PTPRD: variants seen among roughly 807,000 people sequenced by gnomAD.
The protein encoded by PTPRD is protein tyrosine phosphatase receptor type D, also known as receptor-type tyrosine-protein phosphatase delta.
A neutral mutation model predicts 214.5 loss-of-function variants in PTPRD; 34 were observed. The observed-to-expected ratio is 0.16, with a 90% confidence interval of 0.12 to 0.21. PTPRD has a LOEUF of 0.21. PTPRD is among the 10% of genes least tolerant of loss of function. The pLI is 1.00. For missense variants in PTPRD, 2,545 were observed against 2,398.7 expected (o/e 1.06, Z -1.27); for synonymous variants, 1,128 against 845.7 (o/e 1.33, Z -5.79).
In PTPRD at chr9:9,168,731, G is replaced by C. The variant is rs140120433; in HGVS notation, c.-143+14573C>G. On this transcript the variant is annotated intron_variant, in intron 10 of 45. Coordinates refer to ENST00000381196, the MANE Select transcript of PTPRD (RefSeq NM_002839.4). ...TGTTTTTAATGAAAAAAAGCCAACA[G>C]ACAAAAATAATAATAATTCTATTTT... is the stretch of plus-strand genomic sequence containing the variant. Among the ~76,000 whole-genome samples the C allele has an allele frequency of 6.4e-3, 971 of 152,070 alleles. 2 individuals carry two copies. The highest frequency in any genetic ancestry group is 0.01 in the Non-Finnish European group (710 of 67,956).
At chr9:9,609,700 T>C (rs575037482) in intron 7 of PTPRD, among the ~76,000 whole-genome samples, 6 of 152,270 alleles carry the variant, frequency 3.9e-5, no homozygotes, top group Non-Finnish European at 7.4e-5. Context: ...CAACCTTAAG[T>C]GATCCACCCG....
chr9:9,188,232 C>T (rs1334639477), intron 9 of PTPRD, among the ~76,000 whole-genome samples: 1 of 151,996 alleles, frequency 6.6e-6, no homozygotes, highest in African/African-American at 2.4e-5. Flanking sequence ...TGTAATTTGT[C>T]AAATATCTGA....
chr9:8,442,293 A>G (rs1296517346), intron 34 of PTPRD, among the ~76,000 whole-genome samples: 2 of 151,866 alleles, frequency 1.3e-5, no homozygotes, highest in East Asian at 1.9e-4. Flanking sequence ...GAATGCTTCA[A>G]ATGATTTTAT....
intron 7 of PTPRD, among the ~76,000 whole-genome samples, chr9:9,625,163 T>C (rs183642352): frequency 6.6e-6 from 1 of 152,292 alleles, no homozygotes; most frequent in Non-Finnish European, 1.5e-5. Flanking sequence ...TTATCCAGGA[T>C]TGTTTCCATT....
At chr9:8,640,496 G>A (rs140010094) in intron 12 of PTPRD, among the ~76,000 whole-genome samples, 307 of 148,302 alleles carry the variant, frequency 2.1e-3, no homozygotes, top group Non-Finnish European at 3.9e-3. Context: ...TCTATTTTAG[G>A]ACCTGGAACT....
At position 8,626,839 on chromosome 9, in the gene PTPRD, G is replaced by A. The variant is rs114946039; in HGVS notation, c.352+6478C>T. 6.3e-3 allele frequency among the ~76,000 whole-genome samples: 955 copies of A among 151,638 alleles called. 14 individuals are homozygous for A. The highest frequency in any genetic ancestry group is 0.022 in the African/African-American group (912 of 41,396). ...TCCTGGGCCTCCAGCTGCCAACTTT[G>A]GCAGATCTTGAAACTTCTTGGCCTC... is the stretch of plus-strand genomic sequence containing the variant. On this transcript the variant is annotated intron_variant, in intron 14 of 45. Coordinates refer to ENST00000381196, the MANE Select transcript of PTPRD (RefSeq NM_002839.4).
chr9:9,791,341 T>C (rs1036331669), intron 5 of PTPRD, among the ~76,000 whole-genome samples: 1 of 152,182 alleles, frequency 6.6e-6, no homozygotes, highest in East Asian at 1.9e-4. Flanking sequence ...ATCATGTTTT[T>C]TTTAAGCTGA....
chr9:9,832,525 C>T (rs969793882), intron 5 of PTPRD, among the ~76,000 whole-genome samples: 2 of 151,902 alleles, frequency 1.3e-5, no homozygotes, highest in Non-Finnish European at 2.9e-5. Context: ...ATGTGTCCTC[C>T]CTCATCCGAC....
intron 5 of PTPRD, among the ~76,000 whole-genome samples, chr9:9,896,071 GATTA>G (rs1260115011): frequency 6.6e-6 from 1 of 152,006 alleles, no homozygotes; most frequent in Non-Finnish European, 1.5e-5. Flanking sequence ...TACAGAGACA[GATTA>G]ATTTTTTTCA....
intron 11 of PTPRD, among the ~76,000 whole-genome samples, chr9:8,741,819 G>A (rs1223197328): frequency 4.0e-5 from 6 of 151,828 alleles, no homozygotes; most frequent in Non-Finnish European, 8.8e-5. Flanking sequence ...TCAAACTCCT[G>A]ATGTCGTGAG....
At chr9:10,411,562 T>C (rs1486356263) in intron 2 of PTPRD, among the ~76,000 whole-genome samples, 1 of 151,812 alleles carries the variant, frequency 6.6e-6, no homozygotes, top group East Asian at 2.0e-4. Context: ...CATCATCCTA[T>C]GTTCCTAAAT....
chr9:8,791,591 G>A lies in PTPRD; in HGVS notation c.-103-57645C>T, dbSNP rs57929125. Among the ~76,000 whole-genome samples the A allele has an allele frequency of 8.0e-3, 1,165 of 146,504 alleles. 13 individuals carry two copies. Among genetic ancestry groups the A allele is most frequent in the African/African-American group, 0.027 (1,058 of 39,642 alleles). On this transcript the variant is annotated intron_variant, in intron 11 of 45. Transcript: ENST00000381196. ...CTTCCAGGCTATAGTGCAGTGGGGC[G>A]ATCTCGGCTCACTGCAACCTGTGTC...
intron 2 of PTPRD, among the ~76,000 whole-genome samples, chr9:10,389,890 A>G (rs1166303942): frequency 6.6e-6 from 1 of 151,836 alleles, no homozygotes; most frequent in African/African-American, 2.4e-5. Context: ...TTAGAAGTAG[A>G]AAACAGGTGG....
chr9:9,089,192 C>G (rs139801031), intron 10 of PTPRD, among the ~76,000 whole-genome samples: 82 of 152,238 alleles, frequency 5.4e-4, no homozygotes, highest in Non-Finnish European at 8.8e-4. Flanking sequence ...ACACAGTTGA[C>G]AGCTATCTTA....
intron 2 of PTPRD, among the ~76,000 whole-genome samples, chr9:10,364,244 G>T (rs373432005): frequency 6.6e-6 from 1 of 151,800 alleles, no homozygotes; most frequent in Non-Finnish European, 1.5e-5. Context: ...CTCGTGATCC[G>T]CCTGTCTTGG....
chr9:9,535,947 TTAAC>T (rs1253921468), intron 8 of PTPRD, among the ~76,000 whole-genome samples: 1 of 152,048 alleles, frequency 6.6e-6, no homozygotes, highest in Admixed American at 6.6e-5. Flanking sequence ...ATATGCTTGT[TTAAC>T]TACTCCTAAG....
chr9:8,674,181 C>A (rs917498082), intron 12 of PTPRD, among the ~76,000 whole-genome samples: 1 of 152,080 alleles, frequency 6.6e-6, no homozygotes, highest in African/African-American at 2.4e-5. Flanking sequence ...ATTTAAAAAG[C>A]CTGAAGTTTG....
At chr9:9,001,669 C>T (rs1358419862) in intron 11 of PTPRD, among the ~76,000 whole-genome samples, 2 of 151,928 alleles carry the variant, frequency 1.3e-5, no homozygotes, top group East Asian at 1.9e-4. Flanking sequence ...TTTTGGACTA[C>T]CATTGTGAGC....
intron 5 of PTPRD, among the ~76,000 whole-genome samples, chr9:9,820,736 G>A (rs543630553): frequency 1.4e-4 from 22 of 151,998 alleles, no homozygotes; most frequent in Non-Finnish European, 1.2e-4. Flanking sequence ...TATTAAATAG[G>A]CAGTCCCTTC....
Sources: gnomAD v4.1 joint callset for allele counts (sites outside exome capture counted in the v4.1 genomes callset) on GRCh38, gnomAD v4.1.1 for gene constraint, MANE v1.5 for transcripts, NCBI Gene and HGNC (gene_info 2026-07-23, HGNC 2026-07-21) for gene names.